The following AP1S2 variants were observed in gnomAD, a reference collection of about 807,000 sequenced individuals.
AP1S2 encodes the protein adaptor related protein complex 1 subunit sigma 2.
Under a neutral mutation model 14.3 loss-of-function variants are expected in AP1S2, and 1 was observed. The ratio of observed to expected loss-of-function variants is 0.07; its 90% confidence interval spans 0.02 to 0.33. AP1S2 has a LOEUF of 0.33. Ranked by LOEUF, AP1S2 falls within the 10% of genes least tolerant of loss-of-function variation. The pLI is 0.99. For missense variants in AP1S2, 30 were observed against 117.7 expected (o/e 0.25, Z 3.45); for synonymous variants, 30 against 40.5 (o/e 0.74, Z 0.99).
At chrX:15,843,458 G>A (rs1471846814) in intron 4 of AP1S2, among the ~76,000 whole-genome samples, 6 of 111,694 alleles carry the variant, frequency 5.4e-5, no homozygotes, top group Admixed American at 1.9e-4. Context: ...GGGAGGCTGA[G>A]GCAGGAGAAT....
chrX:15,847,453 A>G (rs781004061), intron 2 of AP1S2, among the ~76,000 whole-genome samples: 4 of 111,558 alleles, frequency 3.6e-5, no homozygotes, highest in Non-Finnish European at 7.6e-5. Flanking sequence ...CATATATATC[A>G]TGAGTTTGTG....
intron 1 of AP1S2, chrX:15,852,997 G>A (rs1404584107): frequency 1.6e-5 from 4 of 257,426 alleles, no homozygotes; most frequent in Non-Finnish European, 2.1e-5. Context: ...GCAGACAGTA[G>A]CTTATGTCTT....
At chrX:15,836,758 C>T (rs1280870462) in intron 4 of AP1S2, among the ~76,000 whole-genome samples, 1 of 111,045 alleles carries the variant, frequency 9.0e-6, no homozygotes, top group Non-Finnish European at 1.9e-5. Context: ...GTGGTGTGCA[C>T]CTGTAATCCC....
At chrX:15,839,025 G>A (rs1426562315) in intron 4 of AP1S2, among the ~76,000 whole-genome samples, 1 of 111,975 alleles carries the variant, frequency 8.9e-6, no homozygotes, top group Non-Finnish European at 1.9e-5. Context: ...TGGGATTACA[G>A]GCGTGAGCCA....
intron 2 of AP1S2, among the ~76,000 whole-genome samples, chrX:15,846,933 C>A (rs931250168): frequency 8.9e-6 from 1 of 111,797 alleles, no homozygotes; most frequent in African/African-American, 3.2e-5. Context: ...AAACTTCAAC[C>A]CTGAGGCATA....
intron 4 of AP1S2, among the ~76,000 whole-genome samples, chrX:15,838,739 T>C (rs768772768): frequency 1.8e-5 from 2 of 110,638 alleles, no homozygotes; most frequent in East Asian, 5.7e-4. Context: ...CTGGCCAAAT[T>C]ATTATTTTAT....
chrX:15,845,525 G>GAA lies in AP1S2; in HGVS notation c.289-11_289-10dup. 1.8e-6 allele frequency: 2 copies of GAA among 1,087,697 alleles called. No individual in the cohort carries two copies. Among genetic ancestry groups the GAA allele is most frequent in the Admixed American group, 2.7e-5 (1 of 36,413 alleles). The allele number at this position is 1,087,697 out of a possible 1,213,427, so 89.6% of individuals were successfully genotyped here. ...ATATCTAGTTCACAGACCTGAAAAGGAAAAAAAAAAGAAAAAAGAAAAGAA... is the reference window on the plus strand; with the variant it reads ...ATATCTAGTTCACAGACCTGAAAAGGAAAAAAAAAAAAGAAAAAAGAAAAGAA... On this transcript the variant is annotated splice_polypyrimidine_tract_variant and intron_variant, in intron 3 of 5. Coordinates refer to ENST00000672987, the MANE Select transcript of AP1S2 (RefSeq NM_001272071.2).
chrX:15,852,586 T>C (rs1934211030), intron 1 of AP1S2, 62 bp from the exon 2 acceptor site: 1 of 1,069,382 alleles, frequency 9.4e-7, no homozygotes, highest in East Asian at 3.0e-5. Flanking sequence ...GTTAAGATTA[T>C]GTGTTTCACA....
In AP1S2 at chrX:15,827,374, T is replaced by C; in HGVS notation, c.436-2A>G. 4.2e-6 allele frequency: 5 copies of C among 1,203,727 alleles called. No individual in the cohort carries two copies. The highest frequency in any genetic ancestry group is 1.8e-5 in the South Asian group (1 of 56,826). The stretch of plus-strand genomic sequence containing the variant: ...AACACTACGTGGGGTTTCAGCTTCC[T>C]GTGGAGGGAAAATGTGAGACTCTGG... On this transcript the variant is annotated splice_acceptor_variant, in intron 5 of 5. Coordinates refer to ENST00000672987, the MANE Select transcript of AP1S2 (RefSeq NM_001272071.2). LOFTEE classifies it high-confidence loss of function.
intron 4 of AP1S2, 159 bp downstream of exon 4, chrX:15,845,220 C>T (rs1163367281): frequency 6.6e-6 from 5 of 752,529 alleles, no homozygotes; most frequent in African/African-American, 2.3e-5. Flanking sequence ...ACTGAGTTGA[C>T]GTGACTGACA....
At chrX:15,847,864 A>T (rs1934045771) in intron 2 of AP1S2, among the ~76,000 whole-genome samples, 1 of 112,196 alleles carries the variant, frequency 8.9e-6, no homozygotes. Flanking sequence ...AATGCTAAAT[A>T]ATTTATTATA....
intron 2 of AP1S2, among the ~76,000 whole-genome samples, chrX:15,850,668 T>C (rs1050573783): frequency 9.1e-6 from 1 of 110,151 alleles, no homozygotes; most frequent in African/African-American, 3.3e-5. Context: ...CAAACCTACC[T>C]ATTTGATAAT....
chrX:15,853,383 A>C (rs1391666721), intron 1 of AP1S2, among the ~76,000 whole-genome samples: 2 of 112,878 alleles, frequency 1.8e-5, no homozygotes, highest in African/African-American at 6.4e-5. Context: ...TGTGTTGATT[A>C]GTCTGCATGT....
intron 2 of AP1S2, among the ~76,000 whole-genome samples, chrX:15,850,550 C>T (rs1419700994): frequency 1.9e-5 from 2 of 106,020 alleles, no homozygotes; most frequent in East Asian, 5.9e-4. Context: ...GTAGAGACGG[C>T]GGGGTCTCAC....
chrX:15,827,432 A>G, intron 5 of AP1S2, 60 bp from the exon 6 acceptor site: 2 of 993,212 alleles, frequency 2.0e-6, no homozygotes, highest in African/African-American at 3.7e-5. Flanking sequence ...AGAATGTGAA[A>G]CATTGACATG....
intron 1 of AP1S2, 103 bp downstream of exon 1, chrX:15,854,585 G>C (rs1351577736): frequency 7.1e-6 from 2 of 279,921 alleles, no homozygotes; most frequent in African/African-American, 5.9e-5. Flanking sequence ...GGCAGGCTCG[G>C]GGTGGGGTCG....
At chrX:15,836,308 GAAAC>G (rs1933635230) in intron 4 of AP1S2, among the ~76,000 whole-genome samples, 2 of 111,594 alleles carry the variant, frequency 1.8e-5, no homozygotes, top group Non-Finnish European at 1.9e-5. Context: ...AATCCAAGAA[GAAAC>G]AAACAAAAAA....
chrX:15,849,546 GT>G (rs1194522232), intron 2 of AP1S2, among the ~76,000 whole-genome samples: 3 of 111,715 alleles, frequency 2.7e-5, no homozygotes, highest in African/African-American at 9.8e-5. Context: ...CAATAAAGCT[GT>G]TTTTTTTAAA....
In AP1S2 at chrX:15,854,797, G is replaced by T; in HGVS notation, c.-110C>A. ...AAGAGAAGCCGTGGTGCTGTGGGGA[G>T]GACACCCGGCTGGCATAGGGCAGGC... On this transcript the variant is annotated 5_prime_UTR_variant, in exon 1 of 6. Coordinates refer to ENST00000672987, the MANE Select transcript of AP1S2 (RefSeq NM_001272071.2). The T allele has an allele frequency of 1.3e-6, 1 of 797,863 alleles. No individual in the cohort carries two copies. Among genetic ancestry groups the T allele is most frequent in the South Asian group, 4.6e-5 (1 of 21,970 alleles). 65.8% of individuals were successfully genotyped at this position (797,863 alleles called of 1,213,427 possible).
Sources: gnomAD v4.1 joint callset for allele counts (sites outside exome capture counted in the v4.1 genomes callset) on GRCh38, gnomAD v4.1.1 for gene constraint, MANE v1.5 for transcripts, NCBI Gene and HGNC (gene_info 2026-07-23, HGNC 2026-07-21) for gene names.